The following GNPTAB variants were observed in gnomAD, a reference collection of about 807,000 sequenced individuals.
GNPTAB encodes N-acetylglucosamine-1-phosphotransferase subunits alpha/beta.
GNPTAB carries 92 observed loss-of-function variants against 136.6 expected under a neutral mutation model. The ratio of observed to expected loss-of-function variants is 0.67; its 90% CI spans 0.57 to 0.80. The LOEUF is 0.80. GNPTAB is among the 30% of genes least tolerant of loss of function. GNPTAB has a pLI of 0.00. For synonymous variants in GNPTAB, 512 were observed against 535.1 expected (o/e 0.96, Z 0.60); for missense variants, 1,343 against 1,501.8 (o/e 0.89, Z 1.75).
intron 1 of GNPTAB, among the ~76,000 whole-genome samples, chr12:101,804,981 A>C (rs2137168637): frequency 6.6e-6 from 1 of 152,370 alleles, no homozygotes; most frequent in South Asian, 2.1e-4. Context: ...TAAGGTATTA[A>C]AATTATGATA....
intron 7 of GNPTAB, among the ~76,000 whole-genome samples, chr12:101,775,550 G>A (rs1953251276): frequency 1.3e-5 from 2 of 151,752 alleles, no homozygotes; most frequent in South Asian, 2.1e-4. Flanking sequence ...AGTAGAGATG[G>A]AGTTTCATTT....
At chr12:101,801,066 T>G (rs2137164253) in intron 1 of GNPTAB, among the ~76,000 whole-genome samples, 1 of 149,880 alleles carries the variant, frequency 6.7e-6, no homozygotes, top group East Asian at 2.0e-4. Context: ...AGACCTCATC[T>G]CTACAAAAAA....
At chr12:101,766,534 A>G (rs956117480) in intron 11 of GNPTAB, among the ~76,000 whole-genome samples, 3 of 152,184 alleles carry the variant, frequency 2.0e-5, no homozygotes, top group Non-Finnish European at 2.9e-5. Flanking sequence ...ACTACTTGGG[A>G]GGCTGAGGCA....
At chr12:101,765,688 A>C (rs1479423707) in intron 12 of GNPTAB, 1 of 345,238 alleles carries the variant, frequency 2.9e-6, no homozygotes, top group African/African-American at 2.1e-5. Flanking sequence ...TACAATAATC[A>C]ATTTCCATCT....
intron 1 of GNPTAB, among the ~76,000 whole-genome samples, chr12:101,822,380 C>G (rs1329092122): frequency 2.6e-5 from 4 of 152,164 alleles, no homozygotes; most frequent in Non-Finnish European, 5.9e-5. Flanking sequence ...CGCCACTGCA[C>G]TCCAACCTGG....
Position 101,760,033 on chromosome 12 carries a change from G to A in GNPTAB, c.3246C>T (p.Asn1082=). 1 of 1,578,548 alleles carries A rather than the reference G, an allele frequency of 6.3e-7. No homozygotes were observed. Among genetic ancestry groups the A allele is most frequent in the Non-Finnish European group, 8.7e-7 (1 of 1,147,482 alleles). ...AAAAGTAACCCATTCCACTTACCAGGTTGGGATCATAGTAGGATTCCTGAG... is the reference window on the plus strand; with the variant it reads ...AAAAGTAACCCATTCCACTTACCAGATTGGGATCATAGTAGGATTCCTGAG... The part of the protein sequence containing the change: ...PPTQESYYDP[N]LPPVTKSLVT... The change falls in exon 16 of 21, where the codon AAC becomes AAT. Residue 1082 remains asparagine (N), a synonymous_variant. Transcript: ENST00000299314.
At chr12:101,800,604 CAAAAAAA>C (rs58129963) in intron 1 of GNPTAB, among the ~76,000 whole-genome samples, 18 of 74,268 alleles carry the variant, frequency 2.4e-4, no homozygotes, top group South Asian at 1.0e-3. Context: ...ACTAAAAATA[CAAAAAAA>C]AAAAAAAAAA....
In GNPTAB at chr12:101,761,600, A is replaced by G; in HGVS notation, c.2879T>C (p.Met960Thr). The G allele has an allele frequency of 6.2e-7, 1 of 1,614,200 alleles. No individual in the cohort carries two copies. Among genetic ancestry groups the G allele is most frequent in the Non-Finnish European group, 8.5e-7 (1 of 1,180,020 alleles). ...SRKVPAHMPH[M>T]IDRIVMQELQ... The stretch of plus-strand genomic sequence containing the variant: ...TTCTTGCATAACAATCCGGTCAATC[A>G]TGTGAGGCATGTGAGCAGGGACTTT... The change falls in exon 14 of 21, where the codon ATG becomes ACG. Residue 960 changes from methionine to threonine, a missense_variant. Transcript: ENST00000299314.
intron 7 of GNPTAB, among the ~76,000 whole-genome samples, chr12:101,771,445 T>G (rs557686875): frequency 6.6e-6 from 1 of 152,222 alleles, no homozygotes; most frequent in African/African-American, 2.4e-5. Flanking sequence ...GGTTTCACCA[T>G]GTTGGCCACG....
intron 10 of GNPTAB, among the ~76,000 whole-genome samples, chr12:101,769,669 C>T (rs983062866): frequency 6.6e-6 from 1 of 152,104 alleles, no homozygotes; most frequent in Non-Finnish European, 1.5e-5. Flanking sequence ...AATCACAGCT[C>T]ACTGCAGCCT....
At chr12:101,776,900 C>T (rs576226844) in intron 7 of GNPTAB, among the ~76,000 whole-genome samples, 16 of 152,336 alleles carry the variant, frequency 1.1e-4, no homozygotes, top group Non-Finnish European at 4.4e-5. Flanking sequence ...CCTGGGGGAA[C>T]CTGCGAGGGC....
intron 7 of GNPTAB, among the ~76,000 whole-genome samples, chr12:101,775,643 G>A (rs181476349): frequency 1.1e-3 from 173 of 152,050 alleles, no homozygotes; most frequent in South Asian, 6.2e-4. Flanking sequence ...GATTACAGGC[G>A]TGAGCCACTA....
chr12:101,830,344 G>A lies in GNPTAB; in HGVS notation c.117+215C>T, dbSNP rs7980363. 0.26 allele frequency among the ~76,000 whole-genome samples: 39,564 copies of A among 152,130 alleles called. 5,483 individuals carry two copies. Among genetic ancestry groups the A allele is most frequent in the African/African-American group, 0.35 (14,532 of 41,476 alleles). On this transcript the variant is annotated intron_variant, in intron 1 of 20. Coordinates refer to ENST00000299314, the MANE Select transcript of GNPTAB (RefSeq NM_024312.5). ...TTTATGATAAAGAATACTGTATTTGGCCGGGAGCGGTGGCTCACGCCTGTA... is the reference window on the plus strand; with the variant it reads ...TTTATGATAAAGAATACTGTATTTGACCGGGAGCGGTGGCTCACGCCTGTA...
intron 12 of GNPTAB, 32 bp from the exon 13 acceptor site, chr12:101,765,336 T>C: frequency 7.1e-7 from 1 of 1,417,056 alleles, no homozygotes; most frequent in South Asian, 1.2e-5. Flanking sequence ...TGATTTTTTT[T>C]TTAACTGGGC....
chr12:101,770,454 T>C lies in GNPTAB; in HGVS notation c.1065A>G (p.Pro355=), dbSNP rs1297700671. 3 of 1,613,972 alleles carry C rather than the reference T, an allele frequency of 1.9e-6. No homozygotes were observed. Among genetic ancestry groups the C allele is most frequent in the Middle Eastern group, 1.6e-4 (1 of 6,062 alleles). ...GAGGATTGTCAAGGTTCAGCCAGGA[T>C]GGAATCTGCCCGTTGGTGACAATGA... ...NIFIVTNGQI[P]SWLNLDNPRV... The change falls in exon 9 of 21, where the codon CCA becomes CCG. Residue 355 remains proline (P), a synonymous_variant. Transcript: ENST00000299314.
chr12:101,808,518 G>T (rs983795099), intron 1 of GNPTAB, among the ~76,000 whole-genome samples: 2 of 152,126 alleles, frequency 1.3e-5, no homozygotes, highest in Non-Finnish European at 2.9e-5. Flanking sequence ...CTCCAGCCTG[G>T]ATGACAGAGC....
intron 18 of GNPTAB, among the ~76,000 whole-genome samples, chr12:101,754,287 G>A (rs986730424): frequency 5.9e-5 from 9 of 151,714 alleles, no homozygotes; most frequent in Non-Finnish European, 8.8e-5. Context: ...AAATTAGCCG[G>A]GTGTGGTGGC....
At chr12:101,816,250 G>A (rs1870505619) in intron 1 of GNPTAB, among the ~76,000 whole-genome samples, 1 of 152,074 alleles carries the variant, frequency 6.6e-6, no homozygotes, top group South Asian at 2.1e-4. Flanking sequence ...ACAAAATGAA[G>A]AGACTACCTA....
intron 1 of GNPTAB, among the ~76,000 whole-genome samples, chr12:101,805,386 A>G (rs1349918145): frequency 6.6e-6 from 1 of 152,164 alleles, no homozygotes; most frequent in Non-Finnish European, 1.5e-5. Context: ...AGGTGAAAAG[A>G]ATGTTTTTGT....
Sources: allele counts gnomAD v4.1 joint callset (sites outside exome capture counted in the v4.1 genomes callset), GRCh38; gene constraint gnomAD v4.1.1; transcripts MANE v1.5; gene names NCBI Gene and HGNC (gene_info 2026-07-23, HGNC 2026-07-21).